Variants in KCNK2 observed in about 807,000 individuals in gnomAD.
KCNK2 encodes the protein potassium two pore domain channel subfamily K member 2, also known as potassium channel subfamily K member 2.
In KCNK2, 21 loss-of-function variants were observed where a neutral mutation model predicts 40.5. The ratio of observed to expected loss-of-function variants is 0.52; its 90% CI spans 0.37 to 0.75. KCNK2 has a LOEUF of 0.75. Among genes scored for constraint, KCNK2 ranks in the 30% least tolerant of loss-of-function variants. The probability of loss-of-function intolerance (pLI) is 0.00; values close to 1 mark genes in which losing one functional copy is unlikely to be tolerated. For missense variants in KCNK2, 399 were observed against 531.6 expected, an observed-to-expected ratio of 0.75 and a Z score of 2.45; for synonymous variants, 191 against 202.2, an observed-to-expected ratio of 0.94 and a Z score of 0.47.
At chr1:215,132,563 A>G (rs1174825934) in intron 3 of KCNK2, among the ~76,000 whole-genome samples, 1 of 152,154 alleles carries the variant, frequency 6.6e-6, no homozygotes, top group Non-Finnish European at 1.5e-5. Context: ...GTAGATGATT[A>G]TTTTTCCAAA....
chr1:215,154,792 T>C (rs1013126431), intron 3 of KCNK2, among the ~76,000 whole-genome samples: 1 of 152,182 alleles, frequency 6.6e-6, no homozygotes, highest in Non-Finnish European at 1.5e-5. Flanking sequence ...TTCAGTTTTC[T>C]GCATATGGCT....
chr1:215,096,907 C>T (rs1278856206), intron 2 of KCNK2, among the ~76,000 whole-genome samples: 2 of 151,768 alleles, frequency 1.3e-5, no homozygotes, highest in Admixed American at 6.6e-5. Context: ...TTCTCTCGAC[C>T]CTTCTAATTT....
At chr1:215,125,124 T>C (rs1437005574) in intron 3 of KCNK2, among the ~76,000 whole-genome samples, 1 of 152,170 alleles carries the variant, frequency 6.6e-6, no homozygotes, top group Non-Finnish European at 1.5e-5. Flanking sequence ...TGGAAGTTCT[T>C]ACGTGATATC....
intron 6 of KCNK2, among the ~76,000 whole-genome samples, chr1:215,224,744 A>G (rs954770279): frequency 1.3e-4 from 20 of 152,200 alleles, no homozygotes; most frequent in African/African-American, 4.6e-4. Context: ...TCGTGTGTGT[A>G]GTAAAATATA....
At chr1:215,229,682 GA>G (rs927170932) in intron 6 of KCNK2, among the ~76,000 whole-genome samples, 6 of 150,028 alleles carry the variant, frequency 4.0e-5, no homozygotes, top group Non-Finnish European at 8.9e-5. Flanking sequence ...AGTGAAAAAA[GA>G]AAAAAAAAGA....
rs74920271 is a variant in KCNK2, at chr1:215,035,658, G to A, written c.34+29703G>A. ...CATTCACCTGTTGAATGAAATCTTC[G>A]TTCTTTCCAGTTTTTAATATTTGAA... On this transcript the variant is annotated intron_variant, in intron 1 of 6. Coordinates refer to the KCNK2 transcript ENST00000391895. 7.9e-3 allele frequency among the ~76,000 whole-genome samples: 1,194 copies of A among 152,052 alleles called. 12 individuals are homozygous for A. The highest frequency in any genetic ancestry group is 0.028 in the African/African-American group (1,142 of 41,522).
At chr1:215,104,610 A>G (rs1173272492) in intron 2 of KCNK2, among the ~76,000 whole-genome samples, 1 of 152,064 alleles carries the variant, frequency 6.6e-6, no homozygotes, top group Non-Finnish European at 1.5e-5. Flanking sequence ...GGGGAAAATA[A>G]AAGCAGGTGG....
chr1:215,232,412 G>C (rs567806694), intron 6 of KCNK2, among the ~76,000 whole-genome samples: 30 of 152,280 alleles, frequency 2.0e-4, no homozygotes, highest in Non-Finnish European at 3.7e-4. Context: ...CAGAAAGTAA[G>C]ATTAGTGTCT....
At chr1:215,143,473 G>T (rs1662276747) in intron 3 of KCNK2, among the ~76,000 whole-genome samples, 1 of 152,160 alleles carries the variant, frequency 6.6e-6, no homozygotes, top group Non-Finnish European at 1.5e-5. Context: ...ACAGTATTTA[G>T]CATGTGGTAT....
At chr1:215,155,324 A>C (rs1300387939) in intron 3 of KCNK2, among the ~76,000 whole-genome samples, 1 of 152,060 alleles carries the variant, frequency 6.6e-6, no homozygotes, top group Admixed American at 6.5e-5. Flanking sequence ...AACTGTTGAT[A>C]ACATCTTTAT....
chr1:215,184,376 CT>C (rs1664343936), intron 5 of KCNK2, among the ~76,000 whole-genome samples: 1 of 152,052 alleles, frequency 6.6e-6, no homozygotes, highest in African/African-American at 2.4e-5. Context: ...CTAACAAGGC[CT>C]TATGGCAACT....
chr1:215,073,262 C>T (rs1658818893), intron 1 of KCNK2, among the ~76,000 whole-genome samples: 1 of 152,160 alleles, frequency 6.6e-6, no homozygotes. Context: ...ACTCCGCAGA[C>T]CACATGTTTC....
intron 6 of KCNK2, among the ~76,000 whole-genome samples, chr1:215,215,878 C>T (rs932167148): frequency 1.3e-5 from 2 of 152,168 alleles, no homozygotes; most frequent in African/African-American, 4.8e-5. Flanking sequence ...GAGATGCCAG[C>T]TTTGCCTTCC....
rs1666866622 is a variant in KCNK2, at chr1:215,236,004, C to G, written c.*859C>G. The G allele has an allele frequency of 6.7e-6, 1 of 150,106 alleles. No individual in the cohort carries two copies. The highest frequency in any genetic ancestry group is 6.7e-5 in the Admixed American group (1 of 14,988). The allele number at this position is 150,106 out of a possible 1,614,324, so 9.3% of individuals were successfully genotyped here. A position where few individuals can be genotyped will look rare whatever the true frequency, so the allele number is the denominator to read the frequency against. On this transcript the variant is annotated 3_prime_UTR_variant, in exon 7 of 7. Coordinates refer to ENST00000444842, the MANE Select transcript of KCNK2 (RefSeq NM_001017425.3). The stretch of plus-strand genomic sequence containing the variant: ...TTTCCTGGCAGTATTTGGAATTTAT[C>G]ATTTATTAATAACTATACATTTTTA...
At chr1:215,130,755 C>T (rs191701878) in intron 3 of KCNK2, among the ~76,000 whole-genome samples, 2 of 152,236 alleles carry the variant, frequency 1.3e-5, no homozygotes, top group Admixed American at 1.3e-4. Flanking sequence ...GAAAGGTGGA[C>T]AGATATGTGG....
chr1:215,140,179 T>C (rs1269270038), intron 3 of KCNK2, among the ~76,000 whole-genome samples: 1 of 152,168 alleles, frequency 6.6e-6, no homozygotes, highest in African/African-American at 2.4e-5. Context: ...CAGAAAGCCA[T>C]TACTTGTCAT....
intron 2 of KCNK2, among the ~76,000 whole-genome samples, chr1:215,110,604 C>G (rs59577923): frequency 6.6e-6 from 1 of 151,956 alleles, no homozygotes; most frequent in Non-Finnish European, 1.5e-5. Flanking sequence ...CACATGGTTT[C>G]GACATTTATT....
chr1:215,186,001 A>G (rs1176586254), intron 5 of KCNK2, among the ~76,000 whole-genome samples: 3 of 152,252 alleles, frequency 2.0e-5, no homozygotes, highest in Non-Finnish European at 4.4e-5. Flanking sequence ...ATTTCTTAAC[A>G]TCAGTATAAT....
chr1:215,077,989 A>G (rs2102520316), upstream of KCNK2, among the ~76,000 whole-genome samples: 1 of 152,248 alleles, frequency 6.6e-6, no homozygotes, highest in Non-Finnish European at 1.5e-5. Context: ...GTTGCTCAGA[A>G]GATTAAATAA....
Sources: gnomAD v4.1 joint callset for allele counts (sites outside exome capture counted in the v4.1 genomes callset) on GRCh38, gnomAD v4.1.1 for gene constraint, MANE v1.5 for transcripts, NCBI Gene and HGNC (gene_info 2026-07-23, HGNC 2026-07-21) for gene names.